The following SYT16 variants were observed in gnomAD, a reference collection of about 807,000 sequenced individuals.
SYT16 encodes the protein synaptotagmin 16.
In SYT16, 42 loss-of-function variants were observed where a neutral mutation model predicts 61.4. The observed-to-expected ratio is 0.68, with a 90% CI of 0.53 to 0.89. The LOEUF is 0.89. SYT16 is among the 40% of genes least tolerant of loss of function. The pLI is 0.00. For missense variants in SYT16, 804 were observed against 807.3 expected (o/e 1.00, Z 0.05); for synonymous variants, 314 against 302.3 (o/e 1.04, Z -0.40).
intron 2 of SYT16, among the ~76,000 whole-genome samples, chr14:61,990,807 A>G (rs1440165191): frequency 6.6e-6 from 1 of 152,166 alleles, no homozygotes; most frequent in Non-Finnish European, 1.5e-5. Flanking sequence ...TTATTCTGGG[A>G]TGGAATACCT....
chr14:61,926,260 G>GAA (rs2049533895), intron 1 of SYT16, among the ~76,000 whole-genome samples: 1 of 123,966 alleles, frequency 8.1e-6, no homozygotes, highest in African/African-American at 3.0e-5. Context: ...GAGTCAAAGA[G>GAA]TATGTGTTCT....
At chr14:62,047,793 G>A (rs2055063960) in intron 3 of SYT16, among the ~76,000 whole-genome samples, 1 of 152,186 alleles carries the variant, frequency 6.6e-6, no homozygotes, top group Admixed American at 6.5e-5. Context: ...ATTTGTGTAT[G>A]TTGAACCAGC....
chr14:61,969,183 G>A (rs2051440513), intron 1 of SYT16, among the ~76,000 whole-genome samples: 1 of 152,122 alleles, frequency 6.6e-6, no homozygotes, highest in African/African-American at 2.4e-5. Flanking sequence ...GCTGCTCTTA[G>A]GAGATTCATT....
intron 1 of SYT16, among the ~76,000 whole-genome samples, chr14:61,828,999 TAAG>T (rs753014670): frequency 2.0e-5 from 3 of 152,302 alleles, no homozygotes; most frequent in Middle Eastern, 6.8e-3. Flanking sequence ...TTGAAAAAGA[TAAG>T]AACTGTAATG....
intron 1 of SYT16, among the ~76,000 whole-genome samples, chr14:61,813,700 A>T (rs891708221): frequency 5.9e-5 from 9 of 151,968 alleles, no homozygotes; most frequent in African/African-American, 2.2e-4. Context: ...CAGGAGTGCG[A>T]GGCTGCTGTG....
chr14:61,997,136 C>G (rs2052802999), intron 3 of SYT16, among the ~76,000 whole-genome samples: 1 of 151,990 alleles, frequency 6.6e-6, no homozygotes, highest in Non-Finnish European at 1.5e-5. Context: ...ACATATTGGG[C>G]CTTCAATAAA....
intron 7 of SYT16, 21 bp from the exon 8 acceptor site, chr14:62,100,373 A>G: frequency 1.3e-6 from 2 of 1,543,226 alleles, no homozygotes; most frequent in Admixed American, 4.1e-5. Flanking sequence ...TCCCCACCCC[A>G]CCCTTTTTTT....
In SYT16 at chr14:62,102,319, C is replaced by A. The variant is rs1201535547; in HGVS notation, c.*1612C>A. 1 of 152,192 alleles carries A rather than the reference C, an allele frequency of 6.6e-6. No homozygotes were observed. The highest frequency in any genetic ancestry group is 6.5e-5 in the Admixed American group (1 of 15,276). 9.4% of individuals were successfully genotyped at this position (152,192 alleles called of 1,614,324 possible). ...GCACAGGATAACTCTACTATGCTTT[C>A]AGGGTTCAGTCTTTGAATGAAATGA... On this transcript the variant is annotated 3_prime_UTR_variant, in exon 8 of 8. Coordinates refer to ENST00000683842, the MANE Select transcript of SYT16 (RefSeq NM_001367656.1).
In SYT16 at chr14:61,910,534, T is replaced by TG. The variant is rs1185329069; in HGVS notation, c.-324-59598_-324-59597insG. Reference sequence around the variant, plus strand: ...GCCGCCGCATCCCGCTGTTTTGTTTTTTTTTTTTTTTTTTGAGACAGGTTC... The same window carrying TG: ...GCCGCCGCATCCCGCTGTTTTGTTTTGTTTTTTTTTTTTTTGAGACAGGTTC... On this transcript the variant is annotated intron_variant, in intron 1 of 7. Transcript: ENST00000683842. 3.2e-3 allele frequency among the ~76,000 whole-genome samples: 473 copies of TG among 147,396 alleles called. 2 individuals carry two copies. Among genetic ancestry groups the TG allele is most frequent in the African/African-American group, 0.011 (426 of 39,508 alleles).
At chr14:61,916,816 C>T (rs1487685010) in intron 1 of SYT16, among the ~76,000 whole-genome samples, 3 of 152,036 alleles carry the variant, frequency 2.0e-5, no homozygotes, top group Non-Finnish European at 2.9e-5. Flanking sequence ...TCTTTTGGCT[C>T]CCACATATAA....
At chr14:62,020,076 G>A (rs1475539088) in intron 3 of SYT16, among the ~76,000 whole-genome samples, 3 of 152,092 alleles carry the variant, frequency 2.0e-5, no homozygotes, top group Non-Finnish European at 2.9e-5. Flanking sequence ...TTTTATCTGG[G>A]TCACTTCATA....
chr14:62,026,312 C>T (rs1409321899), intron 3 of SYT16, among the ~76,000 whole-genome samples: 2 of 152,158 alleles, frequency 1.3e-5, no homozygotes, highest in Non-Finnish European at 2.9e-5. Context: ...ATACTTGAGA[C>T]TGAGTAATTT....
At chr14:62,053,707 G>A (rs1230438035) in intron 3 of SYT16, among the ~76,000 whole-genome samples, 2 of 152,148 alleles carry the variant, frequency 1.3e-5, no homozygotes, top group African/African-American at 4.8e-5. Context: ...GAAATGTTAG[G>A]GGAGTCACGA....
chr14:61,854,458 A>C (rs2046715076), intron 1 of SYT16, among the ~76,000 whole-genome samples: 1 of 152,162 alleles, frequency 6.6e-6, no homozygotes. Context: ...ACATGCTTAT[A>C]CCTCTCTCGG....
intron 1 of SYT16, among the ~76,000 whole-genome samples, chr14:61,951,792 A>G (rs1051298768): frequency 2.0e-5 from 3 of 151,870 alleles, no homozygotes; most frequent in South Asian, 4.1e-4. Flanking sequence ...TATTATATTC[A>G]GTATATATAT....
intron 1 of SYT16, among the ~76,000 whole-genome samples, chr14:61,913,868 C>T (rs1333741922): frequency 6.6e-6 from 1 of 152,134 alleles, no homozygotes; most frequent in African/African-American, 2.4e-5. Flanking sequence ...TCCAACATAG[C>T]CTTGTCTGCA....
At chr14:61,998,528 T>C (rs1237282990) in intron 3 of SYT16, among the ~76,000 whole-genome samples, 2 of 152,010 alleles carry the variant, frequency 1.3e-5, no homozygotes. Flanking sequence ...TTTCAGTAGT[T>C]TTCCCTTTTT....
intron 3 of SYT16, among the ~76,000 whole-genome samples, chr14:62,059,777 TACACAC>T (rs34498170): frequency 6.1e-5 from 9 of 146,744 alleles, no homozygotes; most frequent in South Asian, 4.3e-4. Flanking sequence ...TGTATACACA[TACACAC>T]ACACACACAC....
At chr14:62,075,611 A>G (rs1391831029) in intron 5 of SYT16, among the ~76,000 whole-genome samples, 1 of 114,076 alleles carries the variant, frequency 8.8e-6, no homozygotes. Context: ...CGGTAAAAAA[A>G]AAAAAAAAGA....
Sources: allele counts gnomAD v4.1 joint callset (sites outside exome capture counted in the v4.1 genomes callset), GRCh38; gene constraint gnomAD v4.1.1; transcripts MANE v1.5; gene names NCBI Gene and HGNC (gene_info 2026-07-23, HGNC 2026-07-21).